The following TP63 variants were observed in gnomAD, a reference collection of about 807,000 sequenced individuals.
TP63 encodes tumor protein p63, also known as tumor protein 63.
A neutral mutation model predicts 82.8 loss-of-function variants in TP63; 17 were observed. That is an observed-to-expected ratio of 0.21 (90% CI 0.14 to 0.31). The LOEUF is 0.31. TP63 is among the 10% of genes least tolerant of loss of function. The pLI is 1.00. For missense variants in TP63, 648 were observed against 895.3 expected (o/e 0.72, Z 3.52); for synonymous variants, 330 against 321.7 (o/e 1.03, Z -0.28).
intron 4 of TP63, among the ~76,000 whole-genome samples, chr3:189,859,899 A>G (rs897484462): frequency 1.3e-5 from 2 of 152,208 alleles, no homozygotes; most frequent in Non-Finnish European, 2.9e-5. Flanking sequence ...ATATTTTTCC[A>G]TTTACATAAA....
chr3:189,669,894 A>AATAT (rs1714744255), intron 1 of TP63, among the ~76,000 whole-genome samples: 1 of 152,046 alleles, frequency 6.6e-6, no homozygotes, highest in South Asian at 2.1e-4. Flanking sequence ...GTGGAAAACA[A>AATAT]ATAGCAAAAT....
intron 4 of TP63, among the ~76,000 whole-genome samples, chr3:189,855,190 T>C (rs1208491339): frequency 1.3e-5 from 2 of 152,098 alleles, no homozygotes; most frequent in Non-Finnish European, 2.9e-5. Context: ...GAAACAAAAA[T>C]ACAATTGAAG....
chr3:189,682,554 ATATATATATATATATAT>A (rs1560107443), intron 1 of TP63, among the ~76,000 whole-genome samples: 2 of 7,802 alleles, frequency 2.6e-4, no homozygotes, highest in African/African-American at 4.0e-4. Flanking sequence ...AAAAAAAAAA[ATATATATATATATATAT>A]ATATATATAT....
the TP63 span, among the ~76,000 whole-genome samples, chr3:189,611,776 A>T: frequency 6.6e-6 from 1 of 152,058 alleles, no homozygotes; most frequent in South Asian, 2.1e-4. Flanking sequence ...ATGTTTTTCC[A>T]TTTGTTTCTG....
At chr3:189,796,822 A>T (rs1725757314) in intron 3 of TP63, among the ~76,000 whole-genome samples, 1 of 152,030 alleles carries the variant, frequency 6.6e-6, no homozygotes, top group African/African-American at 2.4e-5. Context: ...AAAATTATAA[A>T]TTTCTTATTT....
chr3:189,665,164 C>T (rs1025849327), intron 1 of TP63, among the ~76,000 whole-genome samples: 3 of 152,034 alleles, frequency 2.0e-5, no homozygotes, highest in African/African-American at 7.2e-5. Flanking sequence ...TACTACCACC[C>T]GTGGTTTTCT....
chr3:189,892,625 T>C (rs532297749), intron 13 of TP63, among the ~76,000 whole-genome samples: 2 of 152,212 alleles, frequency 1.3e-5, no homozygotes, highest in East Asian at 3.9e-4. Context: ...ACCCTGTCTC[T>C]ACTAAAAATA....
chr3:189,844,321 G>A (rs1047626909), intron 4 of TP63: 27 of 403,608 alleles, frequency 6.7e-5, no homozygotes, highest in South Asian at 1.4e-4. Context: ...ACAGGCACGC[G>A]CCACCACGCC....
chr3:189,833,345 T>A (rs566181887), intron 4 of TP63, among the ~76,000 whole-genome samples: 1 of 152,370 alleles, frequency 6.6e-6, no homozygotes, highest in South Asian at 2.1e-4. Context: ...AAGAACATTA[T>A]GCCTTTGGCT....
intron 1 of TP63, among the ~76,000 whole-genome samples, chr3:189,638,319 GA>G (rs1207693514): frequency 6.6e-6 from 1 of 152,116 alleles, no homozygotes; most frequent in African/African-American, 2.4e-5. Context: ...GGGGAAGGTA[GA>G]ATATATGAGT....
chr3:189,776,384 G>A (rs990021794), intron 3 of TP63, among the ~76,000 whole-genome samples: 1 of 152,144 alleles, frequency 6.6e-6, no homozygotes, highest in African/African-American at 2.4e-5. Flanking sequence ...TGGGGCCTAA[G>A]AAGAGAAAGG....
chr3:189,785,857 T>C (rs1432683811), intron 3 of TP63, among the ~76,000 whole-genome samples: 1 of 152,046 alleles, frequency 6.6e-6, no homozygotes, highest in Non-Finnish European at 1.5e-5. Flanking sequence ...GGAAAGAAAG[T>C]GGAGACATTG....
intron 3 of TP63, among the ~76,000 whole-genome samples, chr3:189,768,345 G>T (rs930740958): frequency 1.3e-5 from 2 of 152,202 alleles, no homozygotes; most frequent in African/African-American, 4.8e-5. Context: ...GGGTGATTTT[G>T]TATAGAAGTT....
intron 3 of TP63, among the ~76,000 whole-genome samples, chr3:189,768,377 C>T (rs1723104200): frequency 6.6e-6 from 1 of 152,102 alleles, no homozygotes; most frequent in Non-Finnish European, 1.5e-5. Context: ...CCAGCATCAA[C>T]ATCCAATTCC....
chr3:189,601,875 C>T, the TP63 span, among the ~76,000 whole-genome samples: 519 of 152,286 alleles, frequency 3.4e-3, 3 homozygotes, highest in Non-Finnish European at 4.4e-3. Flanking sequence ...TAAGAAGTCA[C>T]TGAAGATGGG....
intron 1 of TP63, among the ~76,000 whole-genome samples, chr3:189,703,921 C>CA (rs1718006946): frequency 6.6e-6 from 1 of 152,178 alleles, no homozygotes; most frequent in Non-Finnish European, 1.5e-5. Context: ...AGTCTACAGT[C>CA]AGTGAGATAG....
At chr3:189,891,640 A>G (rs549306368) in intron 13 of TP63, among the ~76,000 whole-genome samples, 1 of 152,144 alleles carries the variant, frequency 6.6e-6, no homozygotes, top group Non-Finnish European at 1.5e-5. Context: ...TCTGGCTTTC[A>G]TATCCTTTGA....
In TP63 at chr3:189,869,379, C is replaced by T. The variant is rs1404715516; in HGVS notation, c.1185C>T (p.Ser395=). Residue 395 remains serine (S), a synonymous_variant, in exon 9 of 14, where the codon TCC becomes TCT. Coordinates refer to ENST00000264731, the MANE Select transcript of TP63 (RefSeq NM_003722.5). ...IQMTSIKKRR[S]PDDELLYLPV... is the part of the protein sequence containing the mutation. ...TGACATCCATCAAGAAACGAAGATCCCCAGATGATGAACTGTTATACTTAC... is the reference window on the plus strand; with the variant it reads ...TGACATCCATCAAGAAACGAAGATCTCCAGATGATGAACTGTTATACTTAC... 6.2e-7 allele frequency: 1 copy of T among 1,613,964 alleles called. No homozygotes were observed. Among genetic ancestry groups the T allele is most frequent in the East Asian group, 2.2e-5 (1 of 44,862 alleles).
chr3:189,863,627 T>C (rs1359370785), intron 4 of TP63, among the ~76,000 whole-genome samples: 4 of 152,218 alleles, frequency 2.6e-5, no homozygotes, highest in Non-Finnish European at 5.9e-5. Context: ...AGCTCTTGCA[T>C]TCTCCTAGTC....
Sources: gnomAD v4.1 joint callset for allele counts (sites outside exome capture counted in the v4.1 genomes callset) on GRCh38, gnomAD v4.1.1 for gene constraint, MANE v1.5 for transcripts, NCBI Gene and HGNC (gene_info 2026-07-23, HGNC 2026-07-21) for gene names.